The following IGF2BP3 variants were observed in gnomAD, a reference collection of about 807,000 sequenced individuals.
IGF2BP3 encodes the protein insulin like growth factor 2 mRNA binding protein 3.
IGF2BP3 carries 9 observed loss-of-function variants against 73.8 expected under a neutral mutation model. The observed-to-expected ratio is 0.12, with a 90% CI of 0.07 to 0.21. The LOEUF (loss-of-function observed/expected upper bound fraction) is 0.21. Among genes scored for constraint, IGF2BP3 ranks in the 10% least tolerant of loss-of-function variants. The pLI is 1.00. For missense variants in IGF2BP3, 542 were observed against 714.0 expected, an observed-to-expected ratio of 0.76 and a Z score of 2.75; for synonymous variants, 258 against 256.7, an observed-to-expected ratio of 1.01 and a Z score of -0.05.
chr7:23,398,195 G>C (rs924526096), intron 3 of IGF2BP3, among the ~76,000 whole-genome samples: 2 of 151,974 alleles, frequency 1.3e-5, no homozygotes, highest in Non-Finnish European at 2.9e-5. Context: ...AGTTTGCTGA[G>C]AATGATGGTT....
chr7:23,331,773 C>T (rs1784449862), intron 10 of IGF2BP3, among the ~76,000 whole-genome samples: 1 of 150,506 alleles, frequency 6.6e-6, no homozygotes, highest in African/African-American at 2.4e-5. Flanking sequence ...GGCAGGAGAA[C>T]TGCTTGAACC....
At chr7:23,427,182 A>G (rs1450376494) in intron 2 of IGF2BP3, among the ~76,000 whole-genome samples, 1 of 152,168 alleles carries the variant, frequency 6.6e-6, no homozygotes, top group Non-Finnish European at 1.5e-5. Flanking sequence ...CAGCCCAGAA[A>G]CACTGGACAG....
intron 5 of IGF2BP3, among the ~76,000 whole-genome samples, chr7:23,355,771 A>G (rs1483900646): frequency 1.3e-5 from 2 of 152,120 alleles, no homozygotes; most frequent in Non-Finnish European, 2.9e-5. Context: ...TGTCTCTACT[A>G]AAAGTACAAA....
At chr7:23,325,110 T>C (rs1329083575) in intron 10 of IGF2BP3, among the ~76,000 whole-genome samples, 3 of 151,988 alleles carry the variant, frequency 2.0e-5, no homozygotes, top group Non-Finnish European at 4.4e-5. Flanking sequence ...GGTATTCAAT[T>C]AGGAAAAGAG....
chr7:23,392,320 A>C (rs1004613143), intron 3 of IGF2BP3, among the ~76,000 whole-genome samples: 1 of 151,992 alleles, frequency 6.6e-6, no homozygotes, highest in South Asian at 2.1e-4. Flanking sequence ...AACATGTCAC[A>C]GTGCTGGATA....
At chr7:23,392,385 T>C (rs527816756) in intron 3 of IGF2BP3, among the ~76,000 whole-genome samples, 1 of 122,922 alleles carries the variant, frequency 8.1e-6, no homozygotes. Flanking sequence ...CTGTCACAAA[T>C]GGAAAACCAT....
chr7:23,463,951 T>C lies in IGF2BP3; in HGVS notation c.236+4531A>G, dbSNP rs573425818. ...TAATTATTTAACCAGCCAAGAAAGT[T>C]TCCTAACATTCAGAACCTCAAGTCT... On this transcript the variant is annotated intron_variant, in intron 2 of 14. Coordinates refer to ENST00000258729, the MANE Select transcript of IGF2BP3 (RefSeq NM_006547.3). Among the ~76,000 whole-genome samples, 4 of 152,318 alleles carry C rather than the reference T, an allele frequency of 2.6e-5. No homozygotes were observed. The East Asian group carries it at 7.7e-4, about 29-fold the overall frequency.
chr7:23,405,795 A>C (rs928947334), intron 3 of IGF2BP3, among the ~76,000 whole-genome samples: 3 of 152,182 alleles, frequency 2.0e-5, no homozygotes, highest in Admixed American at 6.5e-5. Context: ...GCATAAAAAG[A>C]GTTTCTGAAC....
intron 3 of IGF2BP3, among the ~76,000 whole-genome samples, chr7:23,364,425 G>A (rs1785314589): frequency 6.6e-6 from 1 of 151,164 alleles, no homozygotes; most frequent in South Asian, 2.1e-4. Flanking sequence ...GCGGGTGCCT[G>A]TAATACCAGC....
chr7:23,314,964 A>G (rs1309527002), intron 12 of IGF2BP3, among the ~76,000 whole-genome samples: 4 of 151,288 alleles, frequency 2.6e-5, no homozygotes, highest in African/African-American at 9.8e-5. Flanking sequence ...ACACCCAGCT[A>G]ATTTTTTGTT....
At chr7:23,366,320 T>G (rs750355200) in intron 3 of IGF2BP3, among the ~76,000 whole-genome samples, 1 of 152,042 alleles carries the variant, frequency 6.6e-6, no homozygotes, top group South Asian at 2.1e-4. Flanking sequence ...GTATTTTTAG[T>G]AGAGACGGGG....
chr7:23,415,199 C>CA, intron 3 of IGF2BP3: 1 of 236,722 alleles, frequency 4.2e-6, no homozygotes. Flanking sequence ...TTCACTGCAA[C>CA]ACCAGGTCCC....
At chr7:23,377,092 T>C (rs140677517) in intron 3 of IGF2BP3, among the ~76,000 whole-genome samples, 97 of 151,928 alleles carry the variant, frequency 6.4e-4, no homozygotes, top group Non-Finnish European at 1.3e-3. Flanking sequence ...AATTACATAA[T>C]GTTTATGACA....
At chr7:23,389,366 T>C (rs1251171967) in intron 3 of IGF2BP3, among the ~76,000 whole-genome samples, 1 of 152,036 alleles carries the variant, frequency 6.6e-6, no homozygotes, top group Non-Finnish European at 1.5e-5. Context: ...TTCACCATAT[T>C]GGCCAAGCTG....
chr7:23,459,310 A>AT, intron 2 of IGF2BP3, among the ~76,000 whole-genome samples: 1 of 152,286 alleles, frequency 6.6e-6, no homozygotes, highest in East Asian at 1.9e-4. Flanking sequence ...CAAGGACCAG[A>AT]TTTTTTTAAA....
chr7:23,405,520 A>T (rs2128527890), intron 3 of IGF2BP3, among the ~76,000 whole-genome samples: 1 of 152,334 alleles, frequency 6.6e-6, no homozygotes, highest in East Asian at 1.9e-4. Context: ...TTTAGGCTGG[A>T]GAAGCAAGAA....
chr7:23,325,310 C>G (rs1158897248), intron 10 of IGF2BP3, among the ~76,000 whole-genome samples: 1 of 152,126 alleles, frequency 6.6e-6, no homozygotes. Flanking sequence ...CATGAGTGAA[C>G]TCCCATTCAC....
At chr7:23,383,892 C>A (rs1409087902) in intron 3 of IGF2BP3, among the ~76,000 whole-genome samples, 2 of 151,710 alleles carry the variant, frequency 1.3e-5, no homozygotes, top group African/African-American at 2.4e-5. Context: ...GTCAGGAGAT[C>A]GAGACCATCC....
At chr7:23,372,139 T>C (rs899353467) in intron 3 of IGF2BP3, among the ~76,000 whole-genome samples, 3 of 151,982 alleles carry the variant, frequency 2.0e-5, no homozygotes, top group Non-Finnish European at 4.4e-5. Flanking sequence ...AGTGGCACGA[T>C]CTTGGCTCAC....
Sources: allele counts gnomAD v4.1 joint callset (sites outside exome capture counted in the v4.1 genomes callset), GRCh38; gene constraint gnomAD v4.1.1; transcripts MANE v1.5; gene names NCBI Gene and HGNC (gene_info 2026-07-23, HGNC 2026-07-21).